DOCK2: variants seen among roughly 807,000 people sequenced by gnomAD.
The protein encoded by DOCK2 is dedicator of cytokinesis 2, also known as dedicator of cytokinesis protein 2.
Under a neutral mutation model 248.9 loss-of-function variants are expected in DOCK2, and 87 were observed. That is an observed-to-expected ratio of 0.35 (90% CI 0.29 to 0.42). The LOEUF (loss-of-function observed/expected upper bound fraction) is 0.42. Among genes scored for constraint, DOCK2 ranks in the 10% least tolerant of loss-of-function variants. The pLI, the probability that DOCK2 is intolerant of heterozygous loss-of-function variation, is 1.00. For synonymous variants in DOCK2, 805 were observed against 821.6 expected (o/e 0.98, Z 0.35); for missense variants, 1,747 against 2,300.2 (o/e 0.76, Z 4.92).
intron 22 of DOCK2, among the ~76,000 whole-genome samples, chr5:169,741,328 C>CTT (rs1554095730): frequency 3.3e-5 from 5 of 152,150 alleles, no homozygotes; most frequent in African/African-American, 1.2e-4. Flanking sequence ...AATGTGCCTG[C>CTT]CTAGTGCATT....
At chr5:169,939,109 T>G (rs1776123929) in intron 27 of DOCK2, among the ~76,000 whole-genome samples, 1 of 152,122 alleles carries the variant, frequency 6.6e-6, no homozygotes, top group African/African-American at 2.4e-5. Flanking sequence ...TTTCACCGCA[T>G]TAGCCAGGAT....
At chr5:169,968,645 G>A (rs944453294) in intron 27 of DOCK2, among the ~76,000 whole-genome samples, 5 of 152,202 alleles carry the variant, frequency 3.3e-5, no homozygotes, top group African/African-American at 1.2e-4. Context: ...CAACTGCAGA[G>A]AGACTGAGTC....
At chr5:169,942,402 G>A (rs77347885) in intron 27 of DOCK2, among the ~76,000 whole-genome samples, 5,249 of 152,268 alleles carry the variant, frequency 0.034, 217 homozygotes, top group African/African-American at 0.096. Context: ...AGTTTGTGGA[G>A]CTGACACAAT....
chr5:169,944,037 G>A lies in DOCK2; in HGVS notation c.2800-39031G>A, dbSNP rs373907181. Among the ~76,000 whole-genome samples the A allele has an allele frequency of 1.6e-3, 243 of 152,334 alleles. 4 individuals are homozygous for A. The South Asian group carries it at 0.043, about 27-fold the overall frequency. Reference sequence around the variant, plus strand: ...CTCCAGGTCTGTGGACTAAGAATTAGTATTTATAAAGTGCTGACCATGTGC... The same window carrying A: ...CTCCAGGTCTGTGGACTAAGAATTAATATTTATAAAGTGCTGACCATGTGC... On this transcript the variant is annotated intron_variant, in intron 27 of 51. Coordinates refer to ENST00000520908, the MANE Select transcript of DOCK2 (RefSeq NM_004946.3).
intron 6 of DOCK2, among the ~76,000 whole-genome samples, chr5:169,677,786 C>G (rs2113332297): frequency 6.6e-6 from 1 of 152,308 alleles, no homozygotes; most frequent in South Asian, 2.1e-4. Context: ...AGGAAAGTGA[C>G]TTTATTTCCG....
At position 169,761,576 on chromosome 5, in the gene DOCK2, A is replaced by G. The variant is rs1470788475; in HGVS notation, c.2505A>G (p.Lys835=). ...CIPPVKLQKQ[K]VQSMNEIVQS... ...CTCCTGTGAAACTCCAGAAGCAGAAAGTACAGTCTATGAATGAGATAGTCC... is the reference window on the plus strand; with the variant it reads ...CTCCTGTGAAACTCCAGAAGCAGAAGGTACAGTCTATGAATGAGATAGTCC... The change falls in exon 25 of 52, where the codon AAA becomes AAG. Residue 835 remains lysine (K), a synonymous_variant. Transcript: ENST00000520908. The G allele has an allele frequency of 6.2e-7, 1 of 1,614,136 alleles. No homozygotes were observed. The highest frequency in any genetic ancestry group is 1.7e-5 in the Admixed American group (1 of 60,026).
At chr5:169,716,364 A>G in intron 20 of DOCK2, 62 bp downstream of exon 20, 2 of 1,552,866 alleles carry the variant, frequency 1.3e-6, no homozygotes, top group Non-Finnish European at 1.8e-6. Flanking sequence ...TACTGTGAAA[A>G]TACTGAGAAC....
chr5:170,057,695 A>G, intron 44 of DOCK2, 29 bp downstream of exon 44: 1 of 1,571,508 alleles, frequency 6.4e-7, no homozygotes, highest in Non-Finnish European at 8.7e-7. Context: ...TGGCAGGGCC[A>G]CCCTTCCTCC....
chr5:169,800,301 ATATAACCC>A (rs905796629), intron 25 of DOCK2, among the ~76,000 whole-genome samples: 3 of 152,196 alleles, frequency 2.0e-5, no homozygotes, highest in African/African-American at 7.2e-5. Context: ...TTCCAAGAGA[ATATAACCC>A]TAGATTTATA....
intron 25 of DOCK2, among the ~76,000 whole-genome samples, chr5:169,799,627 T>C (rs868644218): frequency 6.6e-6 from 1 of 152,226 alleles, no homozygotes; most frequent in African/African-American, 2.4e-5. Flanking sequence ...GCTTAATAAA[T>C]ACATCTGGAT....
chr5:169,805,151 G>T (rs1263854271), intron 26 of DOCK2, among the ~76,000 whole-genome samples: 1 of 151,248 alleles, frequency 6.6e-6, no homozygotes, highest in African/African-American at 2.4e-5. Flanking sequence ...AGCCCAGGGA[G>T]GAGGATTACT....
rs763285148 is a variant in DOCK2 at position 169,700,147 on chromosome 5, A to G, written c.1258+8A>G. ...CAGAGATCATCATGCCAGGTGAGAC[A>G]CAGCTGCTCTGACCTTCCCCTGGGG... On this transcript the variant is annotated splice_region_variant and intron_variant, in intron 13 of 51. Coordinates refer to ENST00000520908, the MANE Select transcript of DOCK2 (RefSeq NM_004946.3). 19 of 1,613,050 alleles carry G rather than the reference A, an allele frequency of 1.2e-5. No individual in the cohort carries two copies. Among genetic ancestry groups the G allele is most frequent in the East Asian group, 1.1e-4 (5 of 44,866 alleles).
At chr5:169,728,098 T>A (rs992750765) in intron 22 of DOCK2, among the ~76,000 whole-genome samples, 7 of 151,828 alleles carry the variant, frequency 4.6e-5, no homozygotes, top group African/African-American at 1.7e-4. Flanking sequence ...AATGTAGGAA[T>A]GGAATTCAAG....
chr5:169,918,799 G>T (rs1352156262), intron 27 of DOCK2, among the ~76,000 whole-genome samples: 1 of 152,148 alleles, frequency 6.6e-6, no homozygotes, highest in Admixed American at 6.5e-5. Flanking sequence ...AGTAATCCCA[G>T]CTACTCGGGA....
At chr5:169,781,973 G>C (rs916870862) in intron 25 of DOCK2, among the ~76,000 whole-genome samples, 27 of 152,180 alleles carry the variant, frequency 1.8e-4, no homozygotes, top group African/African-American at 6.5e-4. Flanking sequence ...GGTTTATGGG[G>C]ATTCTGGGCT....
chr5:169,932,457 G>C (rs1015875828), intron 27 of DOCK2, among the ~76,000 whole-genome samples: 3 of 152,164 alleles, frequency 2.0e-5, no homozygotes, highest in African/African-American at 7.2e-5. Flanking sequence ...AAGAGAGAGG[G>C]AGGCTTTGGA....
At chr5:169,870,877 C>A (rs1199553054) in intron 27 of DOCK2, among the ~76,000 whole-genome samples, 11 of 151,074 alleles carry the variant, frequency 7.3e-5, no homozygotes, top group Non-Finnish European at 1.3e-4. Context: ...GTTGCTATAA[C>A]AAAATACTAC....
At chr5:170,071,629 C>A (rs985285864) in intron 46 of DOCK2, among the ~76,000 whole-genome samples, 3 of 151,994 alleles carry the variant, frequency 2.0e-5, no homozygotes, top group African/African-American at 7.3e-5. Context: ...ATATATAACC[C>A]ACTGATTTAT....
At chr5:170,055,436 G>T in intron 42 of DOCK2, 50 bp downstream of exon 42, 1 of 1,565,832 alleles carries the variant, frequency 6.4e-7, no homozygotes. Flanking sequence ...GAACCCATTG[G>T]GGCCACCAAA....
Sources: allele counts gnomAD v4.1 joint callset (sites outside exome capture counted in the v4.1 genomes callset), GRCh38; gene constraint gnomAD v4.1.1; transcripts MANE v1.5; gene names NCBI Gene and HGNC (gene_info 2026-07-23, HGNC 2026-07-21).